Variants in DCAF17 observed in about 807,000 individuals in gnomAD.
DCAF17 encodes the protein DDB1- and CUL4-associated factor 17.
In DCAF17, 48 loss-of-function variants were observed where a neutral mutation model predicts 66.0. The observed-to-expected ratio is 0.73, with a 90% CI of 0.58 to 0.92. The LOEUF (loss-of-function observed/expected upper bound fraction) is 0.92, where lower values mean the gene tolerates loss of function less well. DCAF17 is among the 40% of genes least tolerant of loss of function. DCAF17 has a pLI of 0.00. For missense variants in DCAF17, 562 were observed against 622.8 expected (o/e 0.90, Z 1.04); for synonymous variants, 206 against 214.6 (o/e 0.96, Z 0.35).
chr2:171,469,496 G>C (rs560865625), intron 9 of DCAF17, among the ~76,000 whole-genome samples: 1 of 152,296 alleles, frequency 6.6e-6, no homozygotes, highest in East Asian at 1.9e-4. Context: ...ATATTCTTAA[G>C]TTATTTATGG....
chr2:171,434,234 G>A lies in DCAF17; in HGVS notation c.-344G>A. On this transcript the variant is annotated 5_prime_UTR_variant, in exon 1 of 14. Coordinates refer to ENST00000375255, the MANE Select transcript of DCAF17 (RefSeq NM_025000.4). ...GGAATTGTAGTTCCTGGGAGAAGCC[G>A]GGCTGCCTCACGAGGCACTAGGAAC... 1 of 452,866 alleles carries A rather than the reference G, an allele frequency of 2.2e-6. No homozygotes were observed. 28.1% of individuals were successfully genotyped at this position (452,866 alleles called of 1,614,324 possible). A position where few individuals can be genotyped will look rare whatever the true frequency, so the allele number is the denominator to read the frequency against.
Position 171,453,130 on chromosome 2 carries a change from A to C in DCAF17, c.544A>C (p.Ile182Leu), listed in dbSNP as rs760207728. 1.2e-6 allele frequency: 2 copies of C among 1,608,250 alleles called. No individual in the cohort carries two copies. Among genetic ancestry groups the C allele is most frequent in the Non-Finnish European group, 1.7e-6 (2 of 1,177,164 alleles). ...TTGTAGTCTTTCCTTCTAGGCAGGCATTCAACAACATGTTTTGCTGTACCT... is the reference window on the plus strand; with the variant it reads ...TTGTAGTCTTTCCTTCTAGGCAGGCCTTCAACAACATGTTTTGCTGTACCT... The part of the protein sequence containing the change: ...RGSAVARQAG[I>L]QQHVLLYLAV... The change falls in exon 6 of 14, where the codon ATT becomes CTT. Residue 182 changes from isoleucine to leucine, a missense_variant. Transcript: ENST00000375255.
chr2:171,467,081 C>G (rs1315984607), intron 8 of DCAF17, among the ~76,000 whole-genome samples: 1 of 151,882 alleles, frequency 6.6e-6, no homozygotes, highest in African/African-American at 2.4e-5. Flanking sequence ...TTATGCCTGT[C>G]TCTTCTTTTT....
At chr2:171,475,952 A>G (rs1436078171) in intron 10 of DCAF17, among the ~76,000 whole-genome samples, 2 of 152,216 alleles carry the variant, frequency 1.3e-5, no homozygotes, top group African/African-American at 4.8e-5. Flanking sequence ...GTTACCACCC[A>G]TATTAGTTTG....
intron 6 of DCAF17, among the ~76,000 whole-genome samples, chr2:171,454,345 C>T (rs146946978): frequency 0.03 from 4,523 of 150,482 alleles, 77 homozygotes; most frequent in East Asian, 0.049. Context: ...AGTGCAGTGG[C>T]GCAATCTCTG....
intron 5 of DCAF17, among the ~76,000 whole-genome samples, chr2:171,451,570 T>C (rs1379005744): frequency 6.6e-6 from 1 of 152,138 alleles, no homozygotes; most frequent in Non-Finnish European, 1.5e-5. Flanking sequence ...AGAGCAAGAA[T>C]TTTTGTTTTG....
rs1696792136 is a variant in DCAF17 at position 171,482,660 on chromosome 2, T to C, written c.*1546T>C. The C allele has an allele frequency of 2.2e-6, 1 of 453,772 alleles. No individual in the cohort carries two copies. Among genetic ancestry groups the C allele is most frequent in the South Asian group, 1.6e-5 (1 of 64,442 alleles). The allele number at this position is 453,772 out of a possible 1,614,324, so 28.1% of individuals were successfully genotyped here. On this transcript the variant is annotated 3_prime_UTR_variant, in exon 14 of 14. Transcript: ENST00000375255. ...ATAGGATGTCTTAAGACTTCAGTCA[T>C]GTCAGAGATTTTTTTTTTTAGGTGA...
intron 8 of DCAF17, among the ~76,000 whole-genome samples, chr2:171,461,246 A>T (rs1574369871): frequency 6.6e-6 from 1 of 152,114 alleles, no homozygotes; most frequent in African/African-American, 2.4e-5. Context: ...GGAGTGCAAG[A>T]CCAGCCTGGC....
rs1694292787 is a variant in DCAF17 at position 171,441,270 on chromosome 2, C to G, written c.231-2253C>G. ...CCTGCACAGTTTTTGAACTAAGGCT[C>G]TTTACCTGGTTGTGGGAGTCAATGC... On this transcript the variant is annotated intron_variant, in intron 2 of 13. Transcript: ENST00000375255. Among the ~76,000 whole-genome samples, 6 of 152,336 alleles carry G rather than the reference C, an allele frequency of 3.9e-5. No homozygotes were observed. In the South Asian group the frequency reaches 1.2e-3, roughly 32 times the overall value.
intron 3 of DCAF17, among the ~76,000 whole-genome samples, chr2:171,444,226 C>A (rs1362491069): frequency 6.6e-6 from 1 of 152,018 alleles, no homozygotes; most frequent in Non-Finnish European, 1.5e-5. Context: ...AATAATAATA[C>A]AATAATACTA....
At position 171,435,800 on chromosome 2, in the gene DCAF17, A is replaced by T. The variant is rs181358896; in HGVS notation, c.230+614A>T. Among the ~76,000 whole-genome samples, 468 of 152,284 alleles carry T rather than the reference A, an allele frequency of 3.1e-3. 4 individuals are homozygous for T. The highest frequency in any genetic ancestry group is 0.01 in the African/African-American group (422 of 41,544). On this transcript the variant is annotated intron_variant, in intron 2 of 13. Transcript: ENST00000375255. ...TAAACATACATCAGTTTGCATTTTT[A>T]AAAAAATGAGCTTTTTTTATAGGCT...
intron 5 of DCAF17, 23 bp from the exon 6 acceptor site, chr2:171,453,101 G>C (rs1161331251): frequency 2.6e-6 from 4 of 1,562,422 alleles, no homozygotes; most frequent in Non-Finnish European, 3.5e-6. Context: ...AGAGCTGCGT[G>C]TAATTGTAGT....
rs1001457082 is a variant in DCAF17 at position 171,483,854 on chromosome 2, T to TGG, written c.*2742_*2743dup. 2.2e-6 allele frequency: 1 copy of TGG among 453,900 alleles called. No individual in the cohort carries two copies. The highest frequency in any genetic ancestry group is 2.0e-5 in the African/African-American group (1 of 49,978). The allele number at this position is 453,900 out of a possible 1,614,324, so 28.1% of individuals were successfully genotyped here. ...GTCCCACAACTAGTCAGTGCAGAGGTGGGAAACATAACCAGATTTGTTCGG... is the reference window on the plus strand; with the variant it reads ...GTCCCACAACTAGTCAGTGCAGAGGTGGGGGAAACATAACCAGATTTGTTCGG... On this transcript the variant is annotated 3_prime_UTR_variant, in exon 14 of 14. Transcript: ENST00000375255.
chr2:171,467,128 T>G (rs1695949674), intron 8 of DCAF17, among the ~76,000 whole-genome samples: 1 of 152,158 alleles, frequency 6.6e-6, no homozygotes, highest in Non-Finnish European at 1.5e-5. Flanking sequence ...TTATGAAAGT[T>G]GACCCTTTAC....
At chr2:171,469,120 C>G in intron 9 of DCAF17, 90 bp downstream of exon 9, 1 of 1,417,056 alleles carries the variant, frequency 7.1e-7, no homozygotes, top group Non-Finnish European at 9.9e-7. Flanking sequence ...CTAAGAATTA[C>G]TTTTTTGTGC....
At chr2:171,455,858 G>A (rs191183094) in intron 6 of DCAF17, among the ~76,000 whole-genome samples, 1 of 151,760 alleles carries the variant, frequency 6.6e-6, no homozygotes, top group South Asian at 2.1e-4. Flanking sequence ...TTTTAATGGG[G>A]TTGTTTTTTT....
At chr2:171,476,635 C>T (rs1259034547) in intron 10 of DCAF17, among the ~76,000 whole-genome samples, 1 of 152,200 alleles carries the variant, frequency 6.6e-6, no homozygotes, top group Non-Finnish European at 1.5e-5. Context: ...ACTTCAGTGG[C>T]ACCTGTTGTC....
chr2:171,477,922 C>A, intron 11 of DCAF17, 65 bp from the exon 12 acceptor site: 1 of 1,389,080 alleles, frequency 7.2e-7, no homozygotes, highest in Non-Finnish European at 1.0e-6. Context: ...TTTGTTAATA[C>A]AGTTTTACCT....
chr2:171,465,724 A>G (rs547229928), intron 8 of DCAF17, among the ~76,000 whole-genome samples: 8 of 152,200 alleles, frequency 5.3e-5, no homozygotes, highest in South Asian at 2.1e-4. Context: ...ACCTCAGGCA[A>G]TCTACCCACT....
Sources: allele counts gnomAD v4.1 joint callset (sites outside exome capture counted in the v4.1 genomes callset), GRCh38; gene constraint gnomAD v4.1.1; transcripts MANE v1.5; gene names NCBI Gene and HGNC (gene_info 2026-07-23, HGNC 2026-07-21).